TFDP2: variants seen among roughly 807,000 people sequenced by gnomAD.
The protein encoded by TFDP2 is transcription factor Dp-2 (E2F dimerization partner 2).
In TFDP2, 17 loss-of-function variants were observed where a neutral mutation model predicts 59.3. The ratio of observed to expected loss-of-function variants is 0.29; its 90% confidence interval spans 0.20 to 0.43. The LOEUF (loss-of-function observed/expected upper bound fraction) is 0.43, where lower values mean the gene tolerates loss of function less well. Among genes scored for constraint, TFDP2 ranks in the 20% least tolerant of loss-of-function variants. The pLI, the probability that TFDP2 is intolerant of heterozygous loss-of-function variation, is 1.00. For missense variants in TFDP2, 391 were observed against 528.8 expected (o/e 0.74, Z 2.56); for synonymous variants, 180 against 194.7 (o/e 0.92, Z 0.63).
rs937026077 is a variant in TFDP2 at position 141,977,952 on chromosome 3, C to G, written c.519+568G>C. Among the ~76,000 whole-genome samples the G allele has an allele frequency of 5.9e-5, 9 of 151,492 alleles. No homozygotes were observed. The South Asian group carries it at 1.0e-3, about 18-fold the overall frequency. On this transcript the variant is annotated intron_variant, in intron 7 of 12. Coordinates refer to ENST00000489671, the MANE Select transcript of TFDP2 (RefSeq NM_001178139.2). ...GTCTCGATCTCCTGACCTCATGATC[C>G]ACCCACCTCAGACTCCCAAAGTGCT...
intron 3 of TFDP2, among the ~76,000 whole-genome samples, chr3:142,038,782 T>C (rs1013710609): frequency 2.0e-5 from 3 of 152,348 alleles, no homozygotes; most frequent in South Asian, 4.1e-4. Context: ...GTTTAACTTT[T>C]TGAACTTAAC....
At chr3:142,048,400 G>A (rs1947453011) in intron 3 of TFDP2, among the ~76,000 whole-genome samples, 1 of 148,874 alleles carries the variant, frequency 6.7e-6, no homozygotes, top group Non-Finnish European at 1.5e-5. Context: ...ATGACAGAGA[G>A]AGACCCTGTC....
chr3:142,095,307 A>C (rs2061128233), intron 2 of TFDP2, among the ~76,000 whole-genome samples: 1 of 152,204 alleles, frequency 6.6e-6, no homozygotes, highest in African/African-American at 2.4e-5. Context: ...TATTTTTCAT[A>C]AGCAATTATT....
intron 3 of TFDP2, among the ~76,000 whole-genome samples, chr3:142,056,264 T>C (rs1423418755): frequency 4.0e-5 from 6 of 149,524 alleles, no homozygotes; most frequent in African/African-American, 1.5e-4. Flanking sequence ...TGAGTACCTA[T>C]TATAGGTCAA....
At chr3:141,968,295 A>T (rs1189789692) in intron 9 of TFDP2, among the ~76,000 whole-genome samples, 1 of 120,810 alleles carries the variant, frequency 8.3e-6, no homozygotes, top group Non-Finnish European at 1.6e-5. Flanking sequence ...CAATATATAT[A>T]ATATATAATA....
chr3:142,048,396 G>A (rs1208147535), intron 3 of TFDP2, among the ~76,000 whole-genome samples: 5 of 149,776 alleles, frequency 3.3e-5, no homozygotes, highest in African/African-American at 9.8e-5. Flanking sequence ...CTGGATGACA[G>A]AGAGAGACCC....
At chr3:142,041,400 A>G (rs933998184) in intron 3 of TFDP2, among the ~76,000 whole-genome samples, 1 of 152,186 alleles carries the variant, frequency 6.6e-6, no homozygotes, top group Non-Finnish European at 1.5e-5. Flanking sequence ...TAATTGAATC[A>G]TGAGGGCGGG....
At chr3:142,070,565 C>T (rs754417501) in intron 3 of TFDP2, among the ~76,000 whole-genome samples, 13 of 152,220 alleles carry the variant, frequency 8.5e-5, no homozygotes, top group Admixed American at 3.3e-4. Context: ...CAGGCATGAG[C>T]CACTATGCCC....
At chr3:141,976,168 T>G (rs1378328863) in intron 7 of TFDP2, among the ~76,000 whole-genome samples, 1 of 152,194 alleles carries the variant, frequency 6.6e-6, no homozygotes, top group Non-Finnish European at 1.5e-5. Flanking sequence ...CGTGAGCCAC[T>G]GCACCCGGCC....
At chr3:142,091,023 T>C (rs940887246) in intron 3 of TFDP2, among the ~76,000 whole-genome samples, 2 of 152,192 alleles carry the variant, frequency 1.3e-5, no homozygotes, top group Admixed American at 1.3e-4. Context: ...ACCTGATTAC[T>C]ACGTTTTATT....
rs187557318 is a variant in TFDP2 at position 142,083,474 on chromosome 3, G to A, written c.82+9587C>T. Among the ~76,000 whole-genome samples, 3 of 152,154 alleles carry A rather than the reference G, an allele frequency of 2.0e-5. No individual in the cohort carries two copies. In the East Asian group the frequency reaches 5.8e-4, roughly 29 times the overall value. On this transcript the variant is annotated intron_variant, in intron 3 of 12. Transcript: ENST00000489671. ...AATGCAATCCTATCAAAATACCAAT[G>A]ACATTCTTCACAGAAATAGAAAAAA...
chr3:142,058,465 T>G (rs1242078807), intron 3 of TFDP2, among the ~76,000 whole-genome samples: 1 of 152,120 alleles, frequency 6.6e-6, no homozygotes, highest in Non-Finnish European at 1.5e-5. Flanking sequence ...CCCATAAGAC[T>G]GCCTGCCACA....
intron 1 of TFDP2, among the ~76,000 whole-genome samples, chr3:142,125,564 G>A (rs1288252008): frequency 6.6e-6 from 1 of 151,954 alleles, no homozygotes; most frequent in Non-Finnish European, 1.5e-5. Context: ...GCAAAAGATT[G>A]GAAAACCCAT....
chr3:141,949,069 C>A lies in TFDP2; in HGVS notation c.*3444G>T, dbSNP rs1336505816. ...CCAGCCTGGGCAACAGAGCGAGACT[C>A]AGTCTCAAAAAAAAAAAAAAAAAAA... is the stretch of plus-strand genomic sequence containing the variant. On this transcript the variant is annotated 3_prime_UTR_variant, in exon 13 of 13. Transcript: ENST00000489671. 2 of 84,914 alleles carry A rather than the reference C, an allele frequency of 2.4e-5. No individual in the cohort carries two copies. The highest frequency in any genetic ancestry group is 4.2e-5 in the Non-Finnish European group (2 of 48,192). 5.3% of individuals were successfully genotyped at this position (84,914 alleles called of 1,614,324 possible). A position where few individuals can be genotyped will look rare whatever the true frequency, so the allele number is the denominator to read the frequency against.
rs180911051 is a variant in TFDP2, at chr3:141,949,063, G to C, written c.*3450C>G. The C allele has an allele frequency of 1.7e-5, 2 of 117,864 alleles. No homozygotes were observed. Among genetic ancestry groups the C allele is most frequent in the African/African-American group, 6.9e-5 (2 of 29,178 alleles). The allele number at this position is 117,864 out of a possible 1,614,324, so 7.3% of individuals were successfully genotyped here. A position where few individuals can be genotyped will look rare whatever the true frequency, so the allele number is the denominator to read the frequency against. ...TGCACTCCAGCCTGGGCAACAGAGC[G>C]AGACTCAGTCTCAAAAAAAAAAAAA... On this transcript the variant is annotated 3_prime_UTR_variant, in exon 13 of 13. Transcript: ENST00000489671.
intron 1 of TFDP2, among the ~76,000 whole-genome samples, chr3:142,123,540 T>A (rs2062129041): frequency 6.6e-6 from 1 of 151,906 alleles, no homozygotes; most frequent in Admixed American, 6.6e-5. Flanking sequence ...AGTGCTGGGA[T>A]AACAGGCTTG....
At chr3:141,980,066 G>A (rs1311636816) in intron 6 of TFDP2, among the ~76,000 whole-genome samples, 1 of 151,396 alleles carries the variant, frequency 6.6e-6, no homozygotes, top group Non-Finnish European at 1.5e-5. Flanking sequence ...ATGTCACCAT[G>A]CCTCGCTAAT....
intron 3 of TFDP2, chr3:142,028,473 C>T (rs1189187140): frequency 6.6e-6 from 5 of 758,412 alleles, no homozygotes; most frequent in Non-Finnish European, 7.9e-6. Flanking sequence ...TTGAAATCAG[C>T]GTGCTCCTGG....
chr3:142,065,762 C>A (rs939376993), intron 3 of TFDP2, among the ~76,000 whole-genome samples: 1 of 151,972 alleles, frequency 6.6e-6, no homozygotes, highest in African/African-American at 2.4e-5. Flanking sequence ...ATCTGCCTGC[C>A]TCGGCCTCTC....
Sources: gnomAD v4.1 joint callset for allele counts (sites outside exome capture counted in the v4.1 genomes callset) on GRCh38, gnomAD v4.1.1 for gene constraint, MANE v1.5 for transcripts, NCBI Gene and HGNC (gene_info 2026-07-23, HGNC 2026-07-21) for gene names.